Variants in CHMP7 observed in about 807,000 individuals in gnomAD.
The protein encoded by CHMP7 is charged multivesicular body protein 7.
CHMP7 carries 15 observed loss-of-function variants against 53.7 expected under a neutral mutation model. That is an observed-to-expected ratio of 0.28 (90% CI 0.19 to 0.43). The LOEUF (loss-of-function observed/expected upper bound fraction) is 0.43. Ranked by LOEUF, CHMP7 falls within the 20% of genes least tolerant of loss-of-function variation. The probability of loss-of-function intolerance (pLI) is 1.00; values close to 1 mark genes in which losing one functional copy is unlikely to be tolerated. For missense variants in CHMP7, 527 were observed against 569.4 expected (o/e 0.93, Z 0.76); for synonymous variants, 261 against 228.0 (o/e 1.14, Z -1.30).
Position 23,246,512 on chromosome 8 carries a change from T to G in CHMP7, c.-184T>G. ...AAAAGAACTTCATCATACTGCCTCC[T>G]GGCTGACGGAGCGCAGCGCAACGCA... On this transcript the variant is annotated 5_prime_UTR_variant, in exon 2 of 11. Coordinates refer to ENST00000397677, the MANE Select transcript of CHMP7 (RefSeq NM_152272.5). 2 of 606,510 alleles carry G rather than the reference T, an allele frequency of 3.3e-6. No homozygotes were observed. The highest frequency in any genetic ancestry group is 3.0e-5 in the Admixed American group (1 of 33,530). The allele number at this position is 606,510 out of a possible 1,614,324, so 37.6% of individuals were successfully genotyped here. A position where few individuals can be genotyped will look rare whatever the true frequency, so the allele number is the denominator to read the frequency against.
At chr8:23,249,590 G>A (rs148985219) in intron 3 of CHMP7, among the ~76,000 whole-genome samples, 2 of 152,272 alleles carry the variant, frequency 1.3e-5, no homozygotes, top group East Asian at 3.9e-4. Context: ...CTTTGTGTCG[G>A]AATTTTCAGT....
At chr8:23,257,638 A>G (rs1310965415) in intron 5 of CHMP7, among the ~76,000 whole-genome samples, 1 of 152,226 alleles carries the variant, frequency 6.6e-6, no homozygotes, top group Non-Finnish European at 1.5e-5. Flanking sequence ...ACCCTCTGGC[A>G]GGAGAACACA....
chr8:23,248,052 T>C (rs111511758), intron 2 of CHMP7: 53 of 456,122 alleles, frequency 1.2e-4, no homozygotes, highest in African/African-American at 1.0e-3. Context: ...ACTCAAGCGA[T>C]CCTCCCACCT....
At chr8:23,250,833 C>G (rs1050977558) in intron 3 of CHMP7, among the ~76,000 whole-genome samples, 1 of 152,186 alleles carries the variant, frequency 6.6e-6, no homozygotes, top group African/African-American at 2.4e-5. Context: ...TTTCTCCTCA[C>G]CTTGAGAGAC....
In CHMP7 at chr8:23,260,161, C is replaced by A. The variant is rs1381324040; in HGVS notation, c.1138C>A (p.Leu380Met). The A allele has an allele frequency of 6.2e-7, 1 of 1,613,902 alleles. No individual in the cohort carries two copies. Among genetic ancestry groups the A allele is most frequent in the Non-Finnish European group, 8.5e-7 (1 of 1,179,940 alleles). ...TNGLDFDSEE[L>M]EKELDILLQD... ...CTTTCCAGATTTTGACAGTGAAGAA[C>A]TGGAGAAGGAATTGGACATCCTCCT... The change falls in exon 10 of 11, where the codon CTG (leucine) becomes ATG (methionine). Residue 380 changes from leucine to methionine, a missense_variant. Leu to Met is a conservative substitution (Grantham distance 15). Transcript: ENST00000397677.
chr8:23,256,479 G>T lies in CHMP7; in HGVS notation c.677G>T (p.Gly226Val). ...NGEKIVKFAR[G>V]PRAKVSPVND... ...CCTCAGATTGTGAAGTTTGCCCGAG[G>T]GCCACGTGCCAAGGTCTCTCCAGTC... The change falls in exon 5 of 11, where the codon GGG (glycine) becomes GTG (valine). Residue 226 changes from glycine (G) to valine (V), a missense_variant. Gly to Val is a moderately radical substitution (Grantham distance 109). Transcript: ENST00000397677. 6.2e-7 allele frequency: 1 copy of T among 1,606,952 alleles called. No homozygotes were observed. The highest frequency in any genetic ancestry group is 1.1e-5 in the South Asian group (1 of 90,942).
rs768770582 is a variant in CHMP7, at chr8:23,260,603, C to T, written c.*4C>T. 6.8e-6 allele frequency: 11 copies of T among 1,612,140 alleles called. No homozygotes were observed. ...ACCGACTCTAAAGCCATTGTAGGAC[C>T]CTCAAGTGAAGGACCCTCATGTAAA... On this transcript the variant is annotated 3_prime_UTR_variant, in exon 11 of 11. Coordinates refer to ENST00000397677, the MANE Select transcript of CHMP7 (RefSeq NM_152272.5).
chr8:23,244,419 T>C lies in CHMP7; in HGVS notation c.-441+575T>C, dbSNP rs895952577. ...TGAAAAGACTCTTTGAACCATTGTA[T>C]TGCCTTTCTTTTTTCGAAAGGTCAG... On this transcript the variant is annotated intron_variant, in intron 1 of 10. Coordinates refer to ENST00000397677, the MANE Select transcript of CHMP7 (RefSeq NM_152272.5). Among the ~76,000 whole-genome samples the C allele has an allele frequency of 1.3e-5, 2 of 152,240 alleles. 1 individual carries two copies. The highest frequency in any genetic ancestry group is 2.9e-5 in the Non-Finnish European group (2 of 68,038).
chr8:23,256,660 A>T (rs1394750917), intron 5 of CHMP7, 67 bp downstream of exon 5: 3 of 1,347,076 alleles, frequency 2.2e-6, no homozygotes, highest in Admixed American at 2.2e-5. Flanking sequence ...GCAAAATGTT[A>T]GTATATGTGG....
In CHMP7 at chr8:23,261,772, TG is replaced by T; in HGVS notation, c.*1174del. The T allele has an allele frequency of 6.5e-6, 1 of 152,818 alleles. No homozygotes were observed. Among genetic ancestry groups the T allele is most frequent in the South Asian group, 2.1e-4 (1 of 4,830 alleles). 9.5% of individuals were successfully genotyped at this position (152,818 alleles called of 1,614,324 possible). On this transcript the variant is annotated 3_prime_UTR_variant, in exon 11 of 11. Transcript: ENST00000397677. ...AGCGATCGCCACACTGCCACTCTGC[TG>T]CCCAGCCACCAGGATTTCTGCCTGG... is the stretch of plus-strand genomic sequence containing the variant.
rs527543697 is a variant in CHMP7 at position 23,251,915 on chromosome 8, T to C, written c.471+2534T>C. Among the ~76,000 whole-genome samples the C allele has an allele frequency of 2.0e-3, 301 of 152,334 alleles. 2 individuals are homozygous for C. The highest frequency in any genetic ancestry group is 6.8e-3 in the Middle Eastern group (2 of 294). ...ATGGAATTGATTTTTCGGAAATGCA[T>C]ATGTGCCTTTTCAATTTTAACAAAA... On this transcript the variant is annotated intron_variant, in intron 3 of 10. Coordinates refer to ENST00000397677, the MANE Select transcript of CHMP7 (RefSeq NM_152272.5).
rs3736024 is a variant in CHMP7 at position 23,255,154 on chromosome 8, C to T, written c.472-93C>T. 2.9e-4 allele frequency: 392 copies of T among 1,346,566 alleles called. 1 individual carries two copies. The East Asian group carries it at 7.4e-3, about 25-fold the overall frequency. 83.4% of individuals were successfully genotyped at this position (1,346,566 alleles called of 1,614,324 possible). ...GGGGTTGGGATTCCCGGGTGCTTGCCTTGTGTGATCATGGTTTTGAAACTC... is the reference window on the plus strand; with the variant it reads ...GGGGTTGGGATTCCCGGGTGCTTGCTTTGTGTGATCATGGTTTTGAAACTC... On this transcript the variant is annotated intron_variant, in intron 3 of 10. Transcript: ENST00000397677.
In CHMP7 at chr8:23,260,632, G is replaced by A; in HGVS notation, c.*33G>A. 1 of 1,536,548 alleles carries A rather than the reference G, an allele frequency of 6.5e-7. No individual in the cohort carries two copies. Among genetic ancestry groups the A allele is most frequent in the Non-Finnish European group, 9.0e-7 (1 of 1,108,866 alleles). On this transcript the variant is annotated 3_prime_UTR_variant, in exon 11 of 11. Transcript: ENST00000397677. ...AAGTGAAGGACCCTCATGTAAAAGA[G>A]AGACCAGGCTTGCTGGGTGTGTACA...
chr8:23,248,797 T>C (rs141923582), intron 2 of CHMP7, among the ~76,000 whole-genome samples: 3 of 152,246 alleles, frequency 2.0e-5, no homozygotes, highest in Non-Finnish European at 4.4e-5. Flanking sequence ...TTCTTTCTTA[T>C]GTCTTGCACT....
At chr8:23,248,098 C>G in intron 2 of CHMP7, 1 of 456,186 alleles carries the variant, frequency 2.2e-6, no homozygotes, top group African/African-American at 2.0e-5. Context: ...AGGCGTTGAG[C>G]CACTGCACCT....
At chr8:23,247,968 T>A (rs1801775852) in intron 2 of CHMP7, 1 of 425,482 alleles carries the variant, frequency 2.4e-6, no homozygotes. Flanking sequence ...AGATCTCCCT[T>A]CTCTACTTTT....
chr8:23,258,959 T>G, intron 8 of CHMP7, 107 bp from the exon 9 acceptor site: 1 of 1,056,742 alleles, frequency 9.5e-7, no homozygotes, highest in Non-Finnish European at 1.5e-6. Context: ...TTTCCTTGAT[T>G]CTCACTTGGG....
intron 2 of CHMP7, chr8:23,248,011 G>C (rs770308897): frequency 2.2e-6 from 1 of 453,498 alleles, no homozygotes; most frequent in Non-Finnish European, 4.4e-6. Context: ...ACTGGACATT[G>C]ATATTGCCCA....
At chr8:23,250,049 C>A (rs184661698) in intron 3 of CHMP7, among the ~76,000 whole-genome samples, 1 of 152,204 alleles carries the variant, frequency 6.6e-6, no homozygotes. Flanking sequence ...GTTTACCACC[C>A]CTGCTGGAGA....
Sources: gnomAD v4.1 joint callset for allele counts (sites outside exome capture counted in the v4.1 genomes callset) on GRCh38, gnomAD v4.1.1 for gene constraint, MANE v1.5 for transcripts, NCBI Gene and HGNC (gene_info 2026-07-23, HGNC 2026-07-21) for gene names.